The following GPM6A variants were observed in gnomAD, a reference collection of about 807,000 sequenced individuals.
GPM6A encodes the protein glycoprotein M6A.
In GPM6A, 7 loss-of-function variants were observed where a neutral mutation model predicts 32.1. The ratio of observed to expected loss-of-function variants is 0.22; its 90% CI spans 0.12 to 0.41. The LOEUF (loss-of-function observed/expected upper bound fraction) is 0.41, where lower values mean the gene tolerates loss of function less well. GPM6A is among the 10% of genes least tolerant of loss of function. The probability of loss-of-function intolerance (pLI) is 1.00; values close to 1 mark genes in which losing one functional copy is unlikely to be tolerated. For missense variants in GPM6A, 235 were observed against 347.2 expected (o/e 0.68, Z 2.57); for synonymous variants, 130 against 123.4 (o/e 1.05, Z -0.35).
intron 1 of GPM6A, among the ~76,000 whole-genome samples, chr4:175,991,365 G>A (rs1335203917): frequency 3.3e-5 from 5 of 151,626 alleles, no homozygotes. Context: ...CATAGCCACT[G>A]CGCCTGGCCT....
At chr4:175,839,373 T>A (rs1322929818) in intron 1 of GPM6A, among the ~76,000 whole-genome samples, 1 of 150,480 alleles carries the variant, frequency 6.6e-6, no homozygotes, top group Non-Finnish European at 1.5e-5. Context: ...AATATTCTAC[T>A]ACATTAAAAT....
chr4:175,653,973 T>C (rs1741940034), intron 3 of GPM6A, among the ~76,000 whole-genome samples: 1 of 152,056 alleles, frequency 6.6e-6, no homozygotes, highest in Admixed American at 6.6e-5. Flanking sequence ...AGCTCAGAAT[T>C]TCTCCCCTCT....
At chr4:175,987,583 C>T (rs1436483756) in intron 1 of GPM6A, among the ~76,000 whole-genome samples, 1 of 150,124 alleles carries the variant, frequency 6.7e-6, no homozygotes, top group African/African-American at 2.4e-5. Flanking sequence ...ATACTTTCTC[C>T]TGGTGACTTT....
intron 1 of GPM6A, among the ~76,000 whole-genome samples, chr4:175,888,233 A>G (rs1737523912): frequency 6.6e-6 from 1 of 152,064 alleles, no homozygotes; most frequent in African/African-American, 2.4e-5. Flanking sequence ...GTATTTGTGC[A>G]ATAAAATAAA....
intron 1 of GPM6A, among the ~76,000 whole-genome samples, chr4:175,913,763 T>A (rs1338950434): frequency 6.6e-6 from 1 of 152,152 alleles, no homozygotes; most frequent in Admixed American, 6.6e-5. Flanking sequence ...TGAGGCCTAC[T>A]CTGACCACTA....
intron 1 of GPM6A, among the ~76,000 whole-genome samples, chr4:175,844,368 T>C (rs1736027367): frequency 6.6e-6 from 1 of 152,212 alleles, no homozygotes; most frequent in African/African-American, 2.4e-5. Flanking sequence ...GCCACAAGAC[T>C]GAATTATCTC....
chr4:175,678,896 AC>A (rs1422603536), intron 2 of GPM6A, among the ~76,000 whole-genome samples: 1 of 152,202 alleles, frequency 6.6e-6, no homozygotes, highest in African/African-American at 2.4e-5. Context: ...ATGTGGAGCA[AC>A]TTTACATCCT....
chr4:175,812,339 T>TTTTTTTTAA, upstream of GPM6A: 1 of 1,304,888 alleles, frequency 7.7e-7, no homozygotes, highest in Non-Finnish European at 1.0e-6. Context: ...TTTTTTTTTT[T>TTTTTTTTAA]TCCTGGGAAG....
chr4:175,925,661 C>A (rs1158104726), intron 1 of GPM6A, among the ~76,000 whole-genome samples: 1 of 151,906 alleles, frequency 6.6e-6, no homozygotes, highest in East Asian at 1.9e-4. Flanking sequence ...GGAATAAAAT[C>A]AATGTTCTTA....
chr4:175,932,758 G>T (rs889555472), intron 1 of GPM6A, among the ~76,000 whole-genome samples: 6 of 152,110 alleles, frequency 3.9e-5, no homozygotes, highest in African/African-American at 1.4e-4. Flanking sequence ...TATATTAAGT[G>T]AAGGTAGACT....
intron 1 of GPM6A, among the ~76,000 whole-genome samples, chr4:175,772,736 A>G (rs1257617668): frequency 1.3e-5 from 2 of 152,164 alleles, no homozygotes; most frequent in East Asian, 3.8e-4. Flanking sequence ...ATTTATTACA[A>G]TCATCCATGG....
intron 1 of GPM6A, among the ~76,000 whole-genome samples, chr4:175,962,712 A>T (rs1740206468): frequency 1.3e-5 from 2 of 152,140 alleles, no homozygotes; most frequent in Admixed American, 1.3e-4. Context: ...CAGACCAAAA[A>T]AACCCACACT....
At chr4:175,685,641 T>C (rs991746513) in intron 2 of GPM6A, among the ~76,000 whole-genome samples, 15 of 152,228 alleles carry the variant, frequency 9.9e-5, no homozygotes, top group Admixed American at 6.5e-5. Flanking sequence ...GTTTTATTTC[T>C]TGTTTGCCAA....
At position 175,891,307 on chromosome 4, in the gene GPM6A, T is replaced by G. The variant is rs1047511861; in HGVS notation, c.-22-79058A>C. Among the ~76,000 whole-genome samples, 211 of 152,210 alleles carry G rather than the reference T, an allele frequency of 1.4e-3. 2 individuals are homozygous for G. The highest frequency in any genetic ancestry group is 2.2e-4 in the Non-Finnish European group (15 of 68,034). On this transcript the variant is annotated intron_variant, in intron 1 of 7. Transcript: ENST00000280187. ...CCTCTTCCCAGCTAATAGGAGTGAT[T>G]GTTGCTTCTCTACCGGTTACAGCTT...
chr4:175,647,346 A>C (rs1183586463), intron 4 of GPM6A, among the ~76,000 whole-genome samples: 1 of 152,238 alleles, frequency 6.6e-6, no homozygotes, highest in South Asian at 2.1e-4. Context: ...AATACATCCA[A>C]TGTAATTGAA....
chr4:175,908,863 T>G (rs988465667), intron 1 of GPM6A, among the ~76,000 whole-genome samples: 14 of 152,120 alleles, frequency 9.2e-5, no homozygotes, highest in African/African-American at 3.4e-4. Context: ...GCTTTGTCTT[T>G]GCAAGAATAA....
At chr4:175,980,351 T>C (rs1442920733) in intron 1 of GPM6A, among the ~76,000 whole-genome samples, 1 of 152,198 alleles carries the variant, frequency 6.6e-6, no homozygotes, top group Admixed American at 6.5e-5. Context: ...AGTGAGACCC[T>C]GTCTCAAAAA....
chr4:175,970,218 T>A (rs182043824), intron 1 of GPM6A, among the ~76,000 whole-genome samples: 7 of 152,196 alleles, frequency 4.6e-5, no homozygotes, highest in African/African-American at 1.2e-4. Flanking sequence ...GAAATCTGAT[T>A]TTTTGGCTTT....
chr4:175,993,373 C>CT (rs981024577), intron 1 of GPM6A, among the ~76,000 whole-genome samples: 17 of 151,288 alleles, frequency 1.1e-4, no homozygotes, highest in Admixed American at 2.0e-4. Flanking sequence ...TCTTAAAACT[C>CT]TTTTTTTTTC....
Sources: gnomAD v4.1 joint callset for allele counts (sites outside exome capture counted in the v4.1 genomes callset) on GRCh38, gnomAD v4.1.1 for gene constraint, MANE v1.5 for transcripts, NCBI Gene and HGNC (gene_info 2026-07-23, HGNC 2026-07-21) for gene names.